Variants in TEKTL1 observed in about 807,000 individuals in gnomAD.
TEKTL1 encodes the protein tektin like 1, also known as tektin-like protein 1.
chr19:15,020,540 TG>T, the TEKTL1 span: 16 of 1,613,972 alleles, frequency 9.9e-6, no homozygotes, highest in Middle Eastern at 1.7e-4. Context: ...AACCAGCCTC[TG>T]GACAAGGTTC....
chr19:15,017,406 A>G, the TEKTL1 span, among the ~76,000 whole-genome samples: 1 of 152,144 alleles, frequency 6.6e-6, no homozygotes, highest in Non-Finnish European at 1.5e-5. Context: ...TTTTGATATA[A>G]CTCTCAAATA....
the TEKTL1 span, chr19:15,011,225 C>T: frequency 6.8e-7 from 1 of 1,479,056 alleles, no homozygotes; most frequent in Non-Finnish European, 8.9e-7. Context: ...GCGTGGAGCG[C>T]GCCTCACCGC....
At chr19:15,020,543 A>G in the TEKTL1 span, 14 of 1,613,930 alleles carry the variant, frequency 8.7e-6, no homozygotes, top group Non-Finnish European at 1.2e-5. Context: ...CAGCCTCTGG[A>G]CAAGGTTCTG....
chr19:15,010,910 G>A, the TEKTL1 span: 4 of 1,572,964 alleles, frequency 2.5e-6, no homozygotes, highest in Non-Finnish European at 3.4e-6. Context: ...TCAGGCCATG[G>A]CGAGGACCGC....
chr19:15,013,835 G>A, the TEKTL1 span: 1 of 1,042,796 alleles, frequency 9.6e-7, no homozygotes, highest in Non-Finnish European at 1.5e-6. Context: ...GCTGCCTAAT[G>A]GACAAACCAC....
the TEKTL1 span, chr19:15,021,936 G>A: frequency 1.8e-5 from 28 of 1,595,996 alleles, no homozygotes; most frequent in Middle Eastern, 1.7e-4. Flanking sequence ...CCCCTCCCCC[G>A]TACCCCTCTA....
the TEKTL1 span, among the ~76,000 whole-genome samples, chr19:15,014,738 C>T: frequency 7.4e-3 from 222 of 29,808 alleles, 6 homozygotes; most frequent in African/African-American, 0.027. Context: ...GGGCGGGGGG[C>T]GGGGGCTGCT....
the TEKTL1 span, among the ~76,000 whole-genome samples, chr19:15,020,134 C>T: frequency 6.6e-6 from 1 of 151,540 alleles, no homozygotes; most frequent in Non-Finnish European, 1.5e-5. Context: ...ATAGTCAGAC[C>T]CCTTCTTCAC....
the TEKTL1 span, chr19:15,021,924 A>G: frequency 6.2e-7 from 1 of 1,602,368 alleles, no homozygotes; most frequent in Non-Finnish European, 8.5e-7. Context: ...GCACAGGTAA[A>G]CCCCCTCCCC....
chr19:15,022,324 A>ATTATTG, the TEKTL1 span, among the ~76,000 whole-genome samples: 1 of 151,452 alleles, frequency 6.6e-6, no homozygotes, highest in Non-Finnish European at 1.5e-5. Flanking sequence ...TGTTATTATT[A>ATTATTG]ACTATTATTG....
At chr19:15,018,716 ATATG>A in the TEKTL1 span, among the ~76,000 whole-genome samples, 1 of 68,600 alleles carries the variant, frequency 1.5e-5, no homozygotes, top group Non-Finnish European at 2.8e-5. Context: ...CTATCTCAAA[ATATG>A]TATATATATA....
the TEKTL1 span, chr19:15,021,906 CG>C: frequency 6.2e-7 from 1 of 1,613,234 alleles, no homozygotes; most frequent in Non-Finnish European, 8.5e-7. Context: ...CCGGAGGCTG[CG>C]CGCCTCGCAC....
At chr19:15,011,340 T>C in the TEKTL1 span, 1 of 1,485,788 alleles carries the variant, frequency 6.7e-7, no homozygotes, top group Non-Finnish European at 8.9e-7. Flanking sequence ...CGCAAGGGTC[T>C]GCTTATTAAC....
the TEKTL1 span, among the ~76,000 whole-genome samples, chr19:15,014,625 G>A: frequency 6.7e-6 from 1 of 150,012 alleles, no homozygotes. Context: ...ATTTCACGTA[G>A]CAAAGCTCAG....
the TEKTL1 span, chr19:15,011,095 C>A: frequency 2.2e-5 from 35 of 1,568,180 alleles, no homozygotes; most frequent in East Asian, 7.7e-4. Context: ...CGCCGCCAGG[C>A]GAGGGCGTCA....
At chr19:15,023,060 G>C in the TEKTL1 span, 2 of 1,611,700 alleles carry the variant, frequency 1.2e-6, no homozygotes, top group Non-Finnish European at 1.7e-6. Flanking sequence ...GCAGCGCCTG[G>C]TTAAGGACTG....
chr19:15,019,906 G>A, the TEKTL1 span, among the ~76,000 whole-genome samples: 335 of 150,626 alleles, frequency 2.2e-3, 1 homozygote, highest in African/African-American at 7.8e-3. Context: ...GGTTGAGGCT[G>A]CAGTGAGTTA....
the TEKTL1 span, among the ~76,000 whole-genome samples, chr19:15,019,072 C>A: frequency 2.0e-5 from 3 of 152,054 alleles, no homozygotes; most frequent in Non-Finnish European, 4.4e-5. Context: ...CCTCAGCCTC[C>A]TGAGTAGCTG....
At chr19:15,021,501 C>T in the TEKTL1 span, 42 of 1,614,088 alleles carry the variant, frequency 2.6e-5, no homozygotes, top group South Asian at 4.2e-4. Flanking sequence ...AGAAGGCGAG[C>T]GAGACCTTGG....
Sources: allele counts gnomAD v4.1 joint callset (sites outside exome capture counted in the v4.1 genomes callset), GRCh38; gene constraint gnomAD v4.1.1; transcripts MANE v1.5; gene names NCBI Gene and HGNC (gene_info 2026-07-23, HGNC 2026-07-21).